BLTP3A: variants seen among roughly 807,000 people sequenced by gnomAD.
BLTP3A encodes ICBP90 binding protein 1.
chr6:34,835,751 T>C, the BLTP3A span, among the ~76,000 whole-genome samples: 237 of 152,308 alleles, frequency 1.6e-3, no homozygotes, highest in Non-Finnish European at 2.3e-3. Flanking sequence ...AAATGAATTA[T>C]TACAGTATGG....
chr6:34,821,202 C>T, the BLTP3A span, among the ~76,000 whole-genome samples: 8 of 151,458 alleles, frequency 5.3e-5, no homozygotes, highest in Non-Finnish European at 7.4e-5. Context: ...GTGATCCACC[C>T]GCCTTGGCCT....
chr6:34,805,978 A>C, the BLTP3A span, among the ~76,000 whole-genome samples: 1 of 151,978 alleles, frequency 6.6e-6, no homozygotes, highest in Non-Finnish European at 1.5e-5. Flanking sequence ...CTCTAATGGG[A>C]AGAGTGTGCC....
At chr6:34,854,746 C>T in the BLTP3A span, among the ~76,000 whole-genome samples, 1 of 152,048 alleles carries the variant, frequency 6.6e-6, no homozygotes, top group South Asian at 2.1e-4. Flanking sequence ...GAAGATATGC[C>T]AGCTTACACC....
At chr6:34,821,740 G>C in the BLTP3A span, 2 of 1,614,166 alleles carry the variant, frequency 1.2e-6, no homozygotes, top group East Asian at 2.2e-5. Context: ...TGGATGAAGA[G>C]GTTCTACAGA....
chr6:34,849,202 T>C, the BLTP3A span, among the ~76,000 whole-genome samples: 6 of 152,240 alleles, frequency 3.9e-5, no homozygotes, highest in East Asian at 9.6e-4. Flanking sequence ...TTTCGCCATG[T>C]TGGCCAGGCT....
chr6:34,811,720 A>G, the BLTP3A span, among the ~76,000 whole-genome samples: 1 of 137,010 alleles, frequency 7.3e-6, no homozygotes, highest in Non-Finnish European at 1.6e-5. Context: ...TTTGCCGGGC[A>G]TGGTGATGCA....
At chr6:34,831,532 T>A in the BLTP3A span, among the ~76,000 whole-genome samples, 1 of 152,214 alleles carries the variant, frequency 6.6e-6, no homozygotes, top group Admixed American at 6.5e-5. Context: ...GTATCTTGTT[T>A]AAGTTCCTTT....
chr6:34,863,450 C>T, the BLTP3A span, among the ~76,000 whole-genome samples: 265 of 151,948 alleles, frequency 1.7e-3, 1 homozygote, highest in African/African-American at 6.0e-3. Context: ...TATAGAATAC[C>T]CTCTTCTCAC....
the BLTP3A span, chr6:34,857,035 C>T: frequency 7.2e-7 from 1 of 1,382,098 alleles, no homozygotes; most frequent in African/African-American, 1.5e-5. Context: ...ATTTACCTCA[C>T]TTCTGGGAAG....
the BLTP3A span, among the ~76,000 whole-genome samples, chr6:34,808,480 G>A: frequency 4.0e-5 from 6 of 151,686 alleles, no homozygotes; most frequent in African/African-American, 1.5e-4. Context: ...TAGCAAGACT[G>A]ATCAAGGAAA....
chr6:34,844,253 A>T, the BLTP3A span, among the ~76,000 whole-genome samples: 1 of 151,622 alleles, frequency 6.6e-6, no homozygotes, highest in Admixed American at 6.6e-5. Context: ...AAGTGCTGGG[A>T]TTACAGGCGT....
chr6:34,837,537 G>C, the BLTP3A span, among the ~76,000 whole-genome samples: 1 of 152,062 alleles, frequency 6.6e-6, no homozygotes, highest in Non-Finnish European at 1.5e-5. Flanking sequence ...AATTAGCCAG[G>C]TGTGGTGGTG....
the BLTP3A span, chr6:34,835,495 G>T: frequency 1.2e-6 from 2 of 1,604,006 alleles, no homozygotes; most frequent in Non-Finnish European, 8.5e-7. Flanking sequence ...CCTTAGTGGG[G>T]CTAGGGACTC....
At chr6:34,867,572 T>C in the BLTP3A span, 1 of 1,613,782 alleles carries the variant, frequency 6.2e-7, no homozygotes, top group South Asian at 1.1e-5. Context: ...CTCCAGCAGC[T>C]GGGCACCGTG....
At chr6:34,876,570 C>G in the BLTP3A span, 3 of 151,906 alleles carry the variant, frequency 2.0e-5, no homozygotes, top group Non-Finnish European at 4.4e-5. Context: ...AATCATAAAA[C>G]TATGGAAACA....
the BLTP3A span, among the ~76,000 whole-genome samples, chr6:34,818,569 C>A: frequency 6.6e-6 from 1 of 151,970 alleles, no homozygotes; most frequent in African/African-American, 2.4e-5. Flanking sequence ...AAATTTGTTA[C>A]AAAATATTTG....
the BLTP3A span, chr6:34,855,813 C>T: frequency 6.4e-7 from 1 of 1,557,006 alleles, no homozygotes; most frequent in South Asian, 1.2e-5. Context: ...GATTGCAGTG[C>T]ATGCTCAGAG....
At chr6:34,861,188 C>T in the BLTP3A span, among the ~76,000 whole-genome samples, 133 of 151,696 alleles carry the variant, frequency 8.8e-4, 1 homozygote, top group Non-Finnish European at 6.6e-4. Flanking sequence ...CCCAGTGGTG[C>T]GATCTCTGCT....
the BLTP3A span, among the ~76,000 whole-genome samples, chr6:34,848,408 C>G: frequency 3.9e-5 from 6 of 151,948 alleles, no homozygotes; most frequent in Non-Finnish European, 8.8e-5. Context: ...GAGTTCAAGA[C>G]CAGCCTGGCT....
Sources: allele counts gnomAD v4.1 joint callset (sites outside exome capture counted in the v4.1 genomes callset), GRCh38; gene constraint gnomAD v4.1.1; transcripts MANE v1.5; gene names NCBI Gene and HGNC (gene_info 2026-07-23, HGNC 2026-07-21).